LMBRD1: variants seen among roughly 807,000 people sequenced by gnomAD.
LMBRD1 encodes lysosomal cobalamin transport escort protein LMBD1.
LMBRD1 carries 64 observed loss-of-function variants against 74.8 expected under a neutral mutation model. That is an observed-to-expected ratio of 0.86 (90% CI 0.70 to 1.05). The LOEUF is 1.05. Among genes scored for constraint, LMBRD1 ranks in the 50% least tolerant of loss-of-function variants. The pLI is 0.00. For synonymous variants in LMBRD1, 204 were observed against 216.3 expected (o/e 0.94, Z 0.50); for missense variants, 652 against 645.9 (o/e 1.01, Z -0.10).
At chr6:69,770,573 C>T (rs142438686) in intron 3 of LMBRD1, among the ~76,000 whole-genome samples, 1 of 152,272 alleles carries the variant, frequency 6.6e-6, no homozygotes, top group East Asian at 1.9e-4. Context: ...ACACATTATT[C>T]TCTCTCATTA....
chr6:69,680,902 T>C (rs943465876), intron 14 of LMBRD1, among the ~76,000 whole-genome samples: 6 of 152,176 alleles, frequency 3.9e-5, no homozygotes, highest in African/African-American at 1.2e-4. Flanking sequence ...ATCACAGATA[T>C]CTAGGAGATA....
At chr6:69,790,560 C>A in intron 1 of LMBRD1, 88 bp from the exon 2 acceptor site, 1 of 1,299,612 alleles carries the variant, frequency 7.7e-7, no homozygotes, top group South Asian at 1.2e-5. Flanking sequence ...AGCAGGAAAC[C>A]TTATGTGAAG....
chr6:69,681,611 C>T (rs1245725607), intron 14 of LMBRD1, among the ~76,000 whole-genome samples: 2 of 69,702 alleles, frequency 2.9e-5, no homozygotes, highest in Admixed American at 2.8e-4. Flanking sequence ...AAAACAAAGC[C>T]TTATTTTACG....
chr6:69,698,038 G>A (rs1766044857), intron 13 of LMBRD1, among the ~76,000 whole-genome samples: 1 of 152,032 alleles, frequency 6.6e-6, no homozygotes, highest in Non-Finnish European at 1.5e-5. Context: ...TAGTGAGGTA[G>A]GTGAAGGGGA....
At chr6:69,733,878 T>C (rs1453922250) in intron 7 of LMBRD1, among the ~76,000 whole-genome samples, 4 of 152,240 alleles carry the variant, frequency 2.6e-5, no homozygotes, top group African/African-American at 9.6e-5. Flanking sequence ...GTGGGAACTA[T>C]AGTTTGAACC....
intron 14 of LMBRD1, among the ~76,000 whole-genome samples, chr6:69,677,639 A>T (rs1401027741): frequency 3.3e-5 from 5 of 152,066 alleles, no homozygotes; most frequent in African/African-American, 1.2e-4. Context: ...TCCCCAACAC[A>T]CTTTTCTAAG....
At chr6:69,770,313 G>C (rs1252355294) in intron 3 of LMBRD1, among the ~76,000 whole-genome samples, 2 of 152,294 alleles carry the variant, frequency 1.3e-5, no homozygotes, top group East Asian at 1.9e-4. Context: ...CTGGAAGTTG[G>C]GGGTAGGGAA....
At chr6:69,715,953 T>C (rs1479980686) in intron 8 of LMBRD1, among the ~76,000 whole-genome samples, 1 of 152,142 alleles carries the variant, frequency 6.6e-6, no homozygotes, top group Non-Finnish European at 1.5e-5. Flanking sequence ...CATGATCTCA[T>C]TTTTTATGGC....
At chr6:69,723,849 C>T (rs530671263) in intron 7 of LMBRD1, among the ~76,000 whole-genome samples, 1 of 151,178 alleles carries the variant, frequency 6.6e-6, no homozygotes, top group South Asian at 2.1e-4. Context: ...TGGAATAAAA[C>T]AATAAAAAAG....
Position 69,688,401 on chromosome 6 carries a change from G to GTT in LMBRD1, c.1417+9161_1417+9162insAA, listed in dbSNP as rs142237925. On this transcript the variant is annotated intron_variant, in intron 14 of 15. Transcript: ENST00000649934. ...CACAGGCCAAAGTTTGAAGGGCAGAGATTTTTTTTTTTTTTCACTTAAATC... is the reference window on the plus strand; with the variant it reads ...CACAGGCCAAAGTTTGAAGGGCAGAGTTATTTTTTTTTTTTTTCACTTAAATC... Among the ~76,000 whole-genome samples, 157 of 148,990 alleles carry GTT rather than the reference G, an allele frequency of 1.1e-3. 3 individuals carry two copies. In the Middle Eastern group the frequency reaches 0.017, roughly 16 times the overall value.
intron 14 of LMBRD1, among the ~76,000 whole-genome samples, chr6:69,697,243 A>C (rs182184820): frequency 3.6e-4 from 55 of 152,202 alleles, no homozygotes; most frequent in Non-Finnish European, 6.9e-4. Context: ...CTTGGTACTA[A>C]GAACTGTAGA....
chr6:69,789,095 C>T (rs1766024092), intron 2 of LMBRD1, among the ~76,000 whole-genome samples: 1 of 152,164 alleles, frequency 6.6e-6, no homozygotes, highest in African/African-American at 2.4e-5. Context: ...GTTTGGCACA[C>T]ACTAAGTGCT....
chr6:69,710,287 C>T (rs1766355720), intron 9 of LMBRD1, among the ~76,000 whole-genome samples: 1 of 151,916 alleles, frequency 6.6e-6, no homozygotes, highest in Non-Finnish European at 1.5e-5. Flanking sequence ...TATGCTGGAA[C>T]AATTGGATAT....
chr6:69,702,762 T>G (rs1434649199), intron 9 of LMBRD1, among the ~76,000 whole-genome samples: 7 of 151,730 alleles, frequency 4.6e-5, no homozygotes, highest in Non-Finnish European at 5.9e-5. Flanking sequence ...AAAAGAAGAG[T>G]CCCAGTAAGC....
intron 1 of LMBRD1, 60 bp downstream of exon 1, chr6:69,796,753 C>T (rs1766242777): frequency 6.6e-7 from 1 of 1,523,982 alleles, no homozygotes; most frequent in Non-Finnish European, 9.0e-7. Flanking sequence ...AACTGCAGGG[C>T]CTGCCCCTCC....
intron 3 of LMBRD1, among the ~76,000 whole-genome samples, chr6:69,771,875 GAA>G (rs34998938): frequency 1.3e-5 from 2 of 148,938 alleles, no homozygotes; most frequent in Non-Finnish European, 3.0e-5. Context: ...ATTATAGCTA[GAA>G]AAAAAAAAGG....
chr6:69,744,889 C>T (rs1582114452), intron 5 of LMBRD1, among the ~76,000 whole-genome samples: 1 of 151,372 alleles, frequency 6.6e-6, no homozygotes, highest in East Asian at 2.0e-4. Context: ...TGTTGCCAGG[C>T]TGGAGTGCAG....
At chr6:69,767,164 A>C (rs1001054083) in intron 3 of LMBRD1, among the ~76,000 whole-genome samples, 9 of 150,518 alleles carry the variant, frequency 6.0e-5, no homozygotes, top group African/African-American at 2.0e-4. Context: ...CAAAGAACCT[A>C]CTTTGGTTTG....
Position 69,676,284 on chromosome 6 carries a change from A to G in LMBRD1, c.1510-13T>C, listed in dbSNP as rs771021054. On this transcript the variant is annotated splice_polypyrimidine_tract_variant and intron_variant, in intron 15 of 15. Transcript: ENST00000649934. ...CAATCAAAAATACCTGTAAATTTAA[A>G]TAAGCCATGTGTTATTTTTCAAATT... is the stretch of plus-strand genomic sequence containing the variant. 1.2e-6 allele frequency: 2 copies of G among 1,610,824 alleles called. No individual in the cohort carries two copies. Among genetic ancestry groups the G allele is most frequent in the Non-Finnish European group, 1.7e-6 (2 of 1,177,976 alleles).
Sources: allele counts gnomAD v4.1 joint callset (sites outside exome capture counted in the v4.1 genomes callset), GRCh38; gene constraint gnomAD v4.1.1; transcripts MANE v1.5; gene names NCBI Gene and HGNC (gene_info 2026-07-23, HGNC 2026-07-21).